The following DLG2 variants were observed in gnomAD, a reference collection of about 807,000 sequenced individuals.
DLG2 encodes the protein discs large MAGUK scaffold protein 2.
Under a neutral mutation model 132.5 loss-of-function variants are expected in DLG2, and 45 were observed. That is an observed-to-expected ratio of 0.34 (90% confidence interval 0.27 to 0.44). The LOEUF is 0.44. DLG2 is among the 20% of genes least tolerant of loss of function. The probability of loss-of-function intolerance (pLI) is 1.00; values close to 1 mark genes in which losing one functional copy is unlikely to be tolerated. For synonymous variants in DLG2, 424 were observed against 419.6 expected (o/e 1.01, Z -0.13); for missense variants, 1,045 against 1,196.9 (o/e 0.87, Z 1.87).
intron 8 of DLG2, among the ~76,000 whole-genome samples, chr11:84,230,614 G>C (rs2097078336): frequency 6.6e-6 from 1 of 152,074 alleles, no homozygotes; most frequent in Non-Finnish European, 1.5e-5. Context: ...TCTACTTAGG[G>C]GAAAGATATG....
At chr11:85,368,221 T>C (rs2084700040) in intron 3 of DLG2, among the ~76,000 whole-genome samples, 1 of 152,234 alleles carries the variant, frequency 6.6e-6, no homozygotes, top group African/African-American at 2.4e-5. Flanking sequence ...AGGTAGTTTA[T>C]GTGGTGAAAA....
intron 6 of DLG2, among the ~76,000 whole-genome samples, chr11:84,691,397 G>C (rs188086552): frequency 6.6e-6 from 1 of 151,456 alleles, no homozygotes; most frequent in African/African-American, 2.4e-5. Context: ...AAAATTCTAC[G>C]TTAAACTACC....
At chr11:85,430,130 G>A (rs531652974) in intron 3 of DLG2, among the ~76,000 whole-genome samples, 3 of 148,886 alleles carry the variant, frequency 2.0e-5, no homozygotes, top group South Asian at 4.4e-4. Flanking sequence ...AACACCACAT[G>A]TTCTCACTCA....
intron 18 of DLG2, among the ~76,000 whole-genome samples, chr11:83,724,528 AAG>A (rs2089593581): frequency 7.2e-6 from 1 of 138,904 alleles, no homozygotes; most frequent in Non-Finnish European, 1.6e-5. Flanking sequence ...AGAGAATATC[AAG>A]AGTCTAGCAG....
At chr11:84,161,688 T>C (rs1454104818) in intron 9 of DLG2, among the ~76,000 whole-genome samples, 5 of 152,132 alleles carry the variant, frequency 3.3e-5, no homozygotes, top group Non-Finnish European at 7.4e-5. Context: ...TGATGTACAT[T>C]GGATAAGGAA....
intron 6 of DLG2, among the ~76,000 whole-genome samples, chr11:84,836,098 A>C (rs1286904288): frequency 6.6e-6 from 1 of 151,708 alleles, no homozygotes; most frequent in African/African-American, 2.4e-5. Context: ...CAGTGTCTTT[A>C]AGCTCAGCTC....
intron 8 of DLG2, among the ~76,000 whole-genome samples, chr11:84,178,416 A>G (rs1392646353): frequency 1.3e-5 from 2 of 152,154 alleles, no homozygotes; most frequent in Non-Finnish European, 1.5e-5. Context: ...GTTTGAGTGC[A>G]TATGAAAGGT....
chr11:84,765,409 G>T (rs899232136), intron 6 of DLG2, among the ~76,000 whole-genome samples: 2 of 152,038 alleles, frequency 1.3e-5, no homozygotes, highest in Non-Finnish European at 2.9e-5. Context: ...TTAGACATCT[G>T]ATAGTACTGA....
chr11:85,008,256 C>T (rs1425555427), intron 6 of DLG2, among the ~76,000 whole-genome samples: 2 of 151,920 alleles, frequency 1.3e-5, no homozygotes, highest in East Asian at 1.9e-4. Context: ...GGATTGCTTC[C>T]ACCACTAGAA....
chr11:85,270,417 C>T (rs907146667), intron 4 of DLG2, among the ~76,000 whole-genome samples: 3 of 152,124 alleles, frequency 2.0e-5, no homozygotes, highest in African/African-American at 7.2e-5. Context: ...TGTCAATTGC[C>T]CAGTGTCTGG....
intron 2 of DLG2, among the ~76,000 whole-genome samples, chr11:85,610,320 C>T (rs1006052783): frequency 1.3e-5 from 2 of 152,214 alleles, no homozygotes; most frequent in African/African-American, 4.8e-5. Flanking sequence ...AGATCTTGGA[C>T]TCATCAATAA....
intron 7 of DLG2, among the ~76,000 whole-genome samples, chr11:84,520,121 G>A (rs535534300): frequency 5.3e-5 from 8 of 152,186 alleles, no homozygotes; most frequent in African/African-American, 1.7e-4. Context: ...TATGAGGCAG[G>A]TCATTCTCTC....
At chr11:84,858,362 T>A (rs17741384) in intron 6 of DLG2, among the ~76,000 whole-genome samples, 1 of 152,032 alleles carries the variant, frequency 6.6e-6, no homozygotes, top group Non-Finnish European at 1.5e-5. Flanking sequence ...CAACTTCTGA[T>A]AGGAGTACCT....
intron 11 of DLG2, among the ~76,000 whole-genome samples, chr11:84,056,651 G>A (rs1415622994): frequency 6.6e-6 from 1 of 152,138 alleles, no homozygotes; most frequent in Non-Finnish European, 1.5e-5. Flanking sequence ...AAGGTGCCAA[G>A]TGAAGTTAAG....
At chr11:85,079,379 T>C (rs908763052) in intron 6 of DLG2, among the ~76,000 whole-genome samples, 18 of 151,996 alleles carry the variant, frequency 1.2e-4, no homozygotes, top group African/African-American at 4.3e-4. Flanking sequence ...ATGGGGCATG[T>C]GGACAACCCA....
chr11:84,862,470 G>C (rs1308095265), intron 6 of DLG2, among the ~76,000 whole-genome samples: 1 of 152,078 alleles, frequency 6.6e-6, no homozygotes, highest in Admixed American at 6.5e-5. Flanking sequence ...CCATTACTGG[G>C]TATATACCCA....
chr11:85,152,342 G>C (rs2152455820), intron 5 of DLG2, among the ~76,000 whole-genome samples: 1 of 151,912 alleles, frequency 6.6e-6, no homozygotes, highest in East Asian at 1.9e-4. Context: ...CCAGGTTCAA[G>C]TGATTCTCCT....
chr11:85,101,348 A>T (rs1231109496), intron 6 of DLG2, among the ~76,000 whole-genome samples: 1 of 152,164 alleles, frequency 6.6e-6, no homozygotes, highest in Non-Finnish European at 1.5e-5. Context: ...TGTATGCCTA[A>T]GAAATATTAA....
intron 6 of DLG2, among the ~76,000 whole-genome samples, chr11:84,669,312 G>C (rs1198489045): frequency 1.3e-5 from 2 of 152,074 alleles, no homozygotes; most frequent in South Asian, 2.1e-4. Flanking sequence ...AGACAAGGAT[G>C]GAAGTGTCCA....
Sources: allele counts gnomAD v4.1 joint callset (sites outside exome capture counted in the v4.1 genomes callset), GRCh38; gene constraint gnomAD v4.1.1; transcripts MANE v1.5; gene names NCBI Gene and HGNC (gene_info 2026-07-23, HGNC 2026-07-21).